Variants in TBPL2 observed in about 807,000 individuals in gnomAD.
TBPL2 encodes the protein TATA-box binding protein like 2, also known as TATA box-binding protein-like 2.
A neutral mutation model predicts 38.2 loss-of-function variants in TBPL2; 40 were observed. The observed-to-expected ratio is 1.05, with a 90% CI of 0.81 to 1.36. The LOEUF (loss-of-function observed/expected upper bound fraction) is 1.36. Ranked by LOEUF, TBPL2 falls within the 40% of genes most tolerant of loss-of-function variation. The pLI, the probability that TBPL2 is intolerant of heterozygous loss-of-function variation, is 0.00. For missense variants in TBPL2, 461 were observed against 456.7 expected, an observed-to-expected ratio of 1.01 and a Z score of -0.09; for synonymous variants, 169 against 171.7, an observed-to-expected ratio of 0.98 and a Z score of 0.12.
chr14:55,427,603 G>A (rs1389078725), intron 5 of TBPL2, among the ~76,000 whole-genome samples: 1 of 152,152 alleles, frequency 6.6e-6, no homozygotes, highest in African/African-American at 2.4e-5. Context: ...CCCAGGCCAA[G>A]TGCCCTAGCC....
intron 6 of TBPL2, among the ~76,000 whole-genome samples, chr14:55,416,457 AAAAAT>A (rs1305553261): frequency 1.3e-5 from 2 of 152,192 alleles, no homozygotes; most frequent in Admixed American, 6.5e-5. Flanking sequence ...TAAAAAGAGA[AAAAAT>A]AAAGAGAAGA....
intron 6 of TBPL2, among the ~76,000 whole-genome samples, chr14:55,420,063 G>GT (rs1023839328): frequency 4.0e-5 from 6 of 151,878 alleles, no homozygotes; most frequent in Non-Finnish European, 7.4e-5. Flanking sequence ...GGCCCTTAAG[G>GT]TTTTTTTTGT....
chr14:55,424,228 G>A, exon 6 of TBPL2: 1 of 1,612,998 alleles, frequency 6.2e-7, no homozygotes, highest in African/African-American at 1.3e-5. Context: ...CTATAAATAA[G>A]ACCAGGAAAC....
At position 55,428,977 on chromosome 14, in the gene TBPL2, G is replaced by A. The variant is rs1423371333; in HGVS notation, c.789-3C>T. ...CTGCAAGTCGAGACTGCTCTTCACT[G>A]GGGAGGGGCAAATATGTTTAAAGAT... On this transcript the variant is annotated splice_region_variant and splice_polypyrimidine_tract_variant and intron_variant, in intron 4 of 6. Coordinates refer to ENST00000247219, the Ensembl canonical transcript of TBPL2. The A allele has an allele frequency of 1.4e-5, 22 of 1,613,732 alleles. No homozygotes were observed. The highest frequency in any genetic ancestry group is 1.9e-5 in the Non-Finnish European group (22 of 1,179,970).
chr14:55,434,986 C>A (rs1385151519), intron 3 of TBPL2, among the ~76,000 whole-genome samples: 1 of 151,974 alleles, frequency 6.6e-6, no homozygotes, highest in Non-Finnish European at 1.5e-5. Context: ...TTGACAAACC[C>A]AATTACCCTA....
chr14:55,434,744 C>T (rs549149924), intron 3 of TBPL2, among the ~76,000 whole-genome samples: 106 of 152,252 alleles, frequency 7.0e-4, no homozygotes, highest in African/African-American at 2.4e-3. Flanking sequence ...CGGGTAACAT[C>T]GAGGTAACAT....
exon 7 of TBPL2, chr14:55,414,443 C>T (rs780263552): frequency 2.5e-6 from 4 of 1,604,738 alleles, no homozygotes; most frequent in African/African-American, 1.3e-5. Flanking sequence ...GATCTCAGAA[C>T]GTTCTTTGGC....
At chr14:55,424,287 G>T (rs777729693) in intron 5 of TBPL2, 34 bp from the exon 6 acceptor site, 4 of 1,375,832 alleles carry the variant, frequency 2.9e-6, no homozygotes, top group Admixed American at 1.7e-5. Context: ...GTTAAAAATA[G>T]CACTATTCAG....
At chr14:55,414,217 T>G in exon 7 of TBPL2, 1 of 590,528 alleles carries the variant, frequency 1.7e-6, no homozygotes, top group Non-Finnish European at 3.0e-6. Context: ...TCATTTTGAA[T>G]AAGAATTTTT....
chr14:55,420,490 G>T (rs1194383044), intron 6 of TBPL2, among the ~76,000 whole-genome samples: 1 of 151,962 alleles, frequency 6.6e-6, no homozygotes, highest in African/African-American at 2.4e-5. Flanking sequence ...AGTATAGCAT[G>T]AACAGGTAAA....
chr14:55,430,824 T>C (rs1213375225), intron 4 of TBPL2, among the ~76,000 whole-genome samples: 1 of 152,216 alleles, frequency 6.6e-6, no homozygotes, highest in Non-Finnish European at 1.5e-5. Flanking sequence ...AGCAGTAAAA[T>C]AAACTGTTTC....
chr14:55,436,596 A>G (rs1886016056), exon 2 of TBPL2: 1 of 1,614,090 alleles, frequency 6.2e-7, no homozygotes. Context: ...ATTCTGAAAT[A>G]GGGGTCATTG....
chr14:55,437,361 C>T (rs148905467), intron 1 of TBPL2, among the ~76,000 whole-genome samples: 2 of 152,316 alleles, frequency 1.3e-5, no homozygotes, highest in African/African-American at 4.8e-5. Context: ...GCCTGTAATC[C>T]CAGCTACTGG....
chr14:55,432,117 C>T lies in TBPL2; in HGVS notation c.788+1513G>A, dbSNP rs181393834. Among the ~76,000 whole-genome samples the T allele has an allele frequency of 1.3e-3, 202 of 151,918 alleles. 1 individual carries two copies. The highest frequency in any genetic ancestry group is 4.5e-3 in the African/African-American group (186 of 41,426). ...TTCAAAATTTGTGTTTTTTAAAAAACCCACCATAGGCCAGATGTAGTAGCT... is the reference window on the plus strand; with the variant it reads ...TTCAAAATTTGTGTTTTTTAAAAAATCCACCATAGGCCAGATGTAGTAGCT... On this transcript the variant is annotated intron_variant, in intron 4 of 6. Coordinates refer to ENST00000247219, the Ensembl canonical transcript of TBPL2.
chr14:55,439,438 C>T (rs951539274), intron 1 of TBPL2, among the ~76,000 whole-genome samples: 7 of 151,976 alleles, frequency 4.6e-5, no homozygotes, highest in African/African-American at 1.7e-4. Context: ...AGCAGAAACC[C>T]GTGGGAACCT....
chr14:55,436,500 G>A (rs761654087), intron 2 of TBPL2, 61 bp downstream of exon 2: 19 of 1,372,208 alleles, frequency 1.4e-5, no homozygotes, highest in African/African-American at 4.3e-5. Flanking sequence ...AGTTGTCATC[G>A]CATTCAGGAA....
At position 55,433,628 on chromosome 14, in the gene TBPL2, A is replaced by G; in HGVS notation, c.788+2T>C. The G allele has an allele frequency of 6.2e-7, 1 of 1,612,112 alleles. No individual in the cohort carries two copies. Among genetic ancestry groups the G allele is most frequent in the Non-Finnish European group, 8.5e-7 (1 of 1,178,342 alleles). On this transcript the variant is annotated splice_donor_variant, in intron 4 of 6. Coordinates refer to ENST00000247219, the Ensembl canonical transcript of TBPL2. LOFTEE classifies it high-confidence loss of function. ...TAGGGGTGGAGGGATGATTCCTCAT[A>G]CCTTTTGGCTCCCGTGCAGACCATC...
At chr14:55,435,813 G>A (rs772612668) in intron 3 of TBPL2, 34 bp downstream of exon 3, 3 of 1,334,126 alleles carry the variant, frequency 2.2e-6, no homozygotes, top group Admixed American at 2.5e-5. Flanking sequence ...CTAAAGAGAA[G>A]CTAATTATTG....
At chr14:55,418,298 T>C (rs1255643622) in intron 6 of TBPL2, among the ~76,000 whole-genome samples, 1 of 152,248 alleles carries the variant, frequency 6.6e-6, no homozygotes, top group African/African-American at 2.4e-5. Context: ...ATTAAATATC[T>C]GTAATTTGTT....
Sources: gnomAD v4.1 joint callset for allele counts (sites outside exome capture counted in the v4.1 genomes callset) on GRCh38, gnomAD v4.1.1 for gene constraint, MANE v1.5 for transcripts, NCBI Gene and HGNC (gene_info 2026-07-23, HGNC 2026-07-21) for gene names.